EXT1: variants seen among roughly 807,000 people sequenced by gnomAD.
EXT1 encodes exostosin glycosyltransferase 1.
A neutral mutation model predicts 82.5 loss-of-function variants in EXT1; 20 were observed. The observed-to-expected ratio is 0.24, with a 90% CI of 0.17 to 0.35. The LOEUF (loss-of-function observed/expected upper bound fraction) is 0.35. Ranked by LOEUF, EXT1 falls within the 10% of genes least tolerant of loss-of-function variation. The pLI is 1.00. For synonymous variants in EXT1, 348 were observed against 350.8 expected (o/e 0.99, Z 0.09); for missense variants, 757 against 936.5 (o/e 0.81, Z 2.50).
Position 118,052,107 on chromosome 8 carries a change from T to C in EXT1, c.962+57978A>G, listed in dbSNP as rs1231580130. On this transcript the variant is annotated intron_variant, in intron 1 of 10. Transcript: ENST00000378204. ...CATCATGTCAACTAAACCTTAGCATTTTCCAATCTTTAATAAATGGGAAGG... is the reference window on the plus strand; with the variant it reads ...CATCATGTCAACTAAACCTTAGCATCTTCCAATCTTTAATAAATGGGAAGG... Among the ~76,000 whole-genome samples the C allele has an allele frequency of 2.0e-5, 3 of 152,314 alleles. No homozygotes were observed. The East Asian group carries it at 5.8e-4, about 29-fold the overall frequency.
chr8:117,983,351 G>A (rs1452577625), intron 1 of EXT1, among the ~76,000 whole-genome samples: 1 of 152,104 alleles, frequency 6.6e-6, no homozygotes, highest in Non-Finnish European at 1.5e-5. Context: ...GGGTGTGGTG[G>A]CATGTGTCTG....
chr8:117,853,265 C>A (rs779658629), intron 1 of EXT1, among the ~76,000 whole-genome samples: 6 of 152,156 alleles, frequency 3.9e-5, no homozygotes, highest in Non-Finnish European at 7.4e-5. Context: ...ATGTCTGAGG[C>A]CGGGCATGGT....
chr8:117,816,997 G>A (rs578162688), intron 7 of EXT1, among the ~76,000 whole-genome samples: 2 of 152,128 alleles, frequency 1.3e-5, no homozygotes, highest in Non-Finnish European at 2.9e-5. Context: ...TCTATGGGGG[G>A]GATGGATATA....
chr8:117,865,628 A>C (rs1812763506), intron 1 of EXT1, among the ~76,000 whole-genome samples: 1 of 152,228 alleles, frequency 6.6e-6, no homozygotes, highest in Admixed American at 6.5e-5. Context: ...AAATGTAGTT[A>C]TAGATAAGAT....
intron 3 of EXT1, among the ~76,000 whole-genome samples, chr8:117,832,874 T>G (rs1339345217): frequency 6.6e-6 from 1 of 152,160 alleles, no homozygotes; most frequent in Non-Finnish European, 1.5e-5. Context: ...GATAAATTAA[T>G]TCCAATTTGG....
intron 1 of EXT1, among the ~76,000 whole-genome samples, chr8:117,997,868 C>T (rs1351696316): frequency 6.6e-6 from 1 of 152,116 alleles, no homozygotes; most frequent in East Asian, 1.9e-4. Context: ...TGCCTCATCC[C>T]CAGTGAATCA....
chr8:118,009,781 T>G (rs1391513908), intron 1 of EXT1, among the ~76,000 whole-genome samples: 1 of 152,096 alleles, frequency 6.6e-6, no homozygotes, highest in East Asian at 1.9e-4. Flanking sequence ...TGATCTCAGG[T>G]GGAACAGTTT....
chr8:117,858,844 GGAAAGAAAGAAAGAAA>G lies in EXT1; in HGVS notation c.963-21659_963-21644del, dbSNP rs1181366390. On this transcript the variant is annotated intron_variant, in intron 1 of 10. Transcript: ENST00000378204. ...AGGAAGGAAGGAAGGAAGGAAGGAA[GGAAAGAAAGAAAGAAA>G]GAAAGAAAGAAAGAAAGAAAGAAAG... is the stretch of plus-strand genomic sequence containing the variant. 3.5e-3 allele frequency among the ~76,000 whole-genome samples: 297 copies of G among 85,222 alleles called. 10 individuals are homozygous for G. Among genetic ancestry groups the G allele is most frequent in the Middle Eastern group, 0.012 (2 of 172 alleles). The allele number at this position is 85,222 out of a possible 152,430, so 55.9% of individuals were successfully genotyped here.
intron 1 of EXT1, among the ~76,000 whole-genome samples, chr8:117,920,073 A>C (rs1006400360): frequency 4.6e-5 from 7 of 152,078 alleles, no homozygotes; most frequent in African/African-American, 1.7e-4. Flanking sequence ...GAACAAAGAG[A>C]GAGGCAACAG....
intron 1 of EXT1, among the ~76,000 whole-genome samples, chr8:117,914,753 C>G (rs191908807): frequency 1.3e-5 from 2 of 152,080 alleles, no homozygotes; most frequent in Admixed American, 6.6e-5. Flanking sequence ...GTGGTCAGAC[C>G]GGTTCTCTAC....
At chr8:117,997,878 A>G (rs1206911997) in intron 1 of EXT1, among the ~76,000 whole-genome samples, 1 of 151,964 alleles carries the variant, frequency 6.6e-6, no homozygotes, top group East Asian at 1.9e-4. Flanking sequence ...CCAGTGAATC[A>G]CCCTGACTGA....
At chr8:117,815,034 G>C (rs147725566) in intron 7 of EXT1, among the ~76,000 whole-genome samples, 12 of 152,198 alleles carry the variant, frequency 7.9e-5, no homozygotes, top group Admixed American at 1.3e-4. Context: ...CAAGTTTTTT[G>C]TTGTTGTTGT....
At chr8:117,844,274 T>TGAGA (rs1804764123) in intron 1 of EXT1, among the ~76,000 whole-genome samples, 1 of 151,956 alleles carries the variant, frequency 6.6e-6, no homozygotes, top group African/African-American at 2.4e-5. Context: ...TGTCTCAGCC[T>TGAGA]CCTGAGTAGG....
At chr8:118,083,644 C>T (rs1396424921) in intron 1 of EXT1, among the ~76,000 whole-genome samples, 2 of 152,160 alleles carry the variant, frequency 1.3e-5, no homozygotes, top group Non-Finnish European at 2.9e-5. Context: ...CCAGCACAGT[C>T]CCCAGGACAT....
chr8:117,894,841 C>T (rs370118955), intron 1 of EXT1, among the ~76,000 whole-genome samples: 35 of 152,228 alleles, frequency 2.3e-4, no homozygotes, highest in African/African-American at 7.9e-4. Context: ...CCTCCCTTCT[C>T]GCAATGTCCA....
intron 1 of EXT1, among the ~76,000 whole-genome samples, chr8:117,844,169 T>TTATTATTATTA (rs1812317315): frequency 8.4e-5 from 3 of 35,918 alleles, no homozygotes; most frequent in Non-Finnish European, 1.3e-4. Context: ...TATTATTATT[T>TTATTATTATTA]TGAGACAAGA....
intron 1 of EXT1, among the ~76,000 whole-genome samples, chr8:117,947,283 T>C (rs1447022139): frequency 1.3e-5 from 2 of 152,240 alleles, no homozygotes; most frequent in African/African-American, 2.4e-5. Flanking sequence ...ACATAAATTA[T>C]ATATACTTGA....
At chr8:118,103,107 C>G (rs918030656) in intron 1 of EXT1, among the ~76,000 whole-genome samples, 2 of 152,136 alleles carry the variant, frequency 1.3e-5, no homozygotes, top group African/African-American at 4.8e-5. Flanking sequence ...AAGCCGAGAT[C>G]GCCCTATTGC....
chr8:117,863,753 G>A (rs145501082), intron 1 of EXT1, among the ~76,000 whole-genome samples: 2 of 152,140 alleles, frequency 1.3e-5, no homozygotes, highest in Non-Finnish European at 2.9e-5. Flanking sequence ...TTCCTCTCGC[G>A]GGCACTTCAG....
Sources: gnomAD v4.1 joint callset for allele counts (sites outside exome capture counted in the v4.1 genomes callset) on GRCh38, gnomAD v4.1.1 for gene constraint, MANE v1.5 for transcripts, NCBI Gene and HGNC (gene_info 2026-07-23, HGNC 2026-07-21) for gene names.